PTPRQ: variants seen among roughly 807,000 people sequenced by gnomAD.
The protein encoded by PTPRQ is protein tyrosine phosphatase receptor type Q.
In PTPRQ, 199 loss-of-function variants were observed where a neutral mutation model predicts 246.0. The ratio of observed to expected loss-of-function variants is 0.81; its 90% CI spans 0.72 to 0.91. The LOEUF (loss-of-function observed/expected upper bound fraction) is 0.91. PTPRQ is among the 40% of genes least tolerant of loss of function. The pLI is 0.00. For synonymous variants in PTPRQ, 869 were observed against 853.2 expected, an observed-to-expected ratio of 1.02 and a Z score of -0.32; for missense variants, 2,624 against 2,528.4, an observed-to-expected ratio of 1.04 and a Z score of -0.81.
At chr12:80,549,423 T>C (rs2120869815) in intron 24 of PTPRQ, 42 bp from the exon 25 acceptor site, 3 of 1,497,264 alleles carry the variant, frequency 2.0e-6, no homozygotes, top group Non-Finnish European at 2.7e-6. Context: ...TCTACTTACA[T>C]ATGTATACAC....
chr12:80,618,476 T>A (rs181562936), intron 30 of PTPRQ, among the ~76,000 whole-genome samples: 1 of 151,430 alleles, frequency 6.6e-6, no homozygotes, highest in East Asian at 1.9e-4. Flanking sequence ...TATGCATTGA[T>A]GACAAATTAT....
chr12:80,450,443 C>T (rs1333495186), intron 3 of PTPRQ, among the ~76,000 whole-genome samples: 2 of 152,180 alleles, frequency 1.3e-5, no homozygotes, highest in Non-Finnish European at 2.9e-5. Flanking sequence ...AGAGGGCATC[C>T]CTGTCTTGTG....
rs531945605 is a variant in PTPRQ, at chr12:80,622,056, T to G, written c.5613-5T>G. 3 of 1,381,430 alleles carry G rather than the reference T, an allele frequency of 2.2e-6. No homozygotes were observed. The highest frequency in any genetic ancestry group is 2.9e-6 in the Non-Finnish European group (3 of 1,048,712). The allele number at this position is 1,381,430 out of a possible 1,614,324, so 85.6% of individuals were successfully genotyped here. ...AGTGTTGATTTTTCTTTTTTTATTTTATAGATTTAAATTTAGAGCTACAAA... is the reference window on the plus strand; with the variant it reads ...AGTGTTGATTTTTCTTTTTTTATTTGATAGATTTAAATTTAGAGCTACAAA... On this transcript the variant is annotated splice_region_variant and splice_polypyrimidine_tract_variant and intron_variant, in intron 32 of 44. Transcript: ENST00000644991.
At chr12:80,569,732 C>T (rs1338118490) in intron 25 of PTPRQ, among the ~76,000 whole-genome samples, 1 of 151,284 alleles carries the variant, frequency 6.6e-6, no homozygotes, top group Non-Finnish European at 1.5e-5. Context: ...TGCTATCCAT[C>T]CCCTAGCCCC....
At chr12:80,501,191 G>A (rs1018539012) in intron 14 of PTPRQ, among the ~76,000 whole-genome samples, 3 of 151,874 alleles carry the variant, frequency 2.0e-5, no homozygotes, top group African/African-American at 4.8e-5. Context: ...GGTGGATCCT[G>A]AGATTCTTAG....
At chr12:80,648,860 CT>C in intron 35 of PTPRQ, 36 bp from the exon 36 acceptor site, 1 of 1,517,370 alleles carries the variant, frequency 6.6e-7, no homozygotes, top group Non-Finnish European at 8.8e-7. Flanking sequence ...GCTGTCCACT[CT>C]GACTCACAAT....
intron 25 of PTPRQ, chr12:80,561,616 C>T (rs1592656936): frequency 6.6e-6 from 1 of 152,012 alleles, no homozygotes; most frequent in African/African-American, 2.4e-5. Flanking sequence ...GCCTGCACAG[C>T]CACTGGCTTC....
At chr12:80,493,628 C>G (rs1052682249) in intron 10 of PTPRQ, among the ~76,000 whole-genome samples, 173 bp downstream of exon 10, 2 of 151,938 alleles carry the variant, frequency 1.3e-5, no homozygotes, top group African/African-American at 4.8e-5. Context: ...GCCACACAGG[C>G]AGAAGCTGGC....
At chr12:80,557,772 T>G (rs1896685588) in intron 25 of PTPRQ, among the ~76,000 whole-genome samples, 1 of 152,162 alleles carries the variant, frequency 6.6e-6, no homozygotes, top group South Asian at 2.1e-4. Flanking sequence ...CTTGCAAAAC[T>G]GTACACAAAT....
chr12:80,613,232 G>T (rs780750931), intron 28 of PTPRQ, among the ~76,000 whole-genome samples: 2 of 150,502 alleles, frequency 1.3e-5, no homozygotes, highest in Non-Finnish European at 3.0e-5. Flanking sequence ...AAGTTAAATG[G>T]TATGTCCTGT....
chr12:80,449,346 G>T (rs1469510721), intron 3 of PTPRQ, among the ~76,000 whole-genome samples: 3 of 152,094 alleles, frequency 2.0e-5, no homozygotes, highest in Non-Finnish European at 4.4e-5. Flanking sequence ...TCTGATGGTA[G>T]TTTCTTTTGC....
At chr12:80,573,832 C>T (rs1897214773) in intron 25 of PTPRQ, among the ~76,000 whole-genome samples, 1 of 152,122 alleles carries the variant, frequency 6.6e-6, no homozygotes, top group African/African-American at 2.4e-5. Flanking sequence ...TGTTTTTGTG[C>T]TTTCCATTAC....
intron 35 of PTPRQ, among the ~76,000 whole-genome samples, chr12:80,642,648 C>T (rs1171657653): frequency 6.6e-6 from 1 of 152,008 alleles, no homozygotes; most frequent in Non-Finnish European, 1.5e-5. Context: ...GGGCCGGGCG[C>T]GGTGGCTCAC....
rs771676169 is a variant in PTPRQ, at chr12:80,613,766, T to C, written c.5093T>C (p.Ile1698Thr). Reference protein sequence around the residue: ...TAVQIHNLSIIQKTNTFVIAM... With the variant: ...TAVQIHNLSITQKTNTFVIAM... ...GTCCAGATTCACAACCTCAGTATTA[T>C]ACAGAAAACCAACACATTCGTCATT... The change falls in exon 29 of 45, where the codon ATA (isoleucine) becomes ACA (threonine). Residue 1698 changes from isoleucine to threonine, a missense_variant. By Grantham distance (89) the Ile-to-Thr change is moderately conservative. Coordinates refer to ENST00000644991, the MANE Select transcript of PTPRQ (RefSeq NM_001145026.2). 2.2e-5 allele frequency: 34 copies of C among 1,543,758 alleles called. No homozygotes were observed. In the East Asian group the frequency reaches 2.7e-4, roughly 12 times the overall value.
At chr12:80,607,663 C>A (rs1439661078) in intron 27 of PTPRQ, among the ~76,000 whole-genome samples, 1 of 150,908 alleles carries the variant, frequency 6.6e-6, no homozygotes, top group Admixed American at 6.6e-5. Context: ...AGGAAGAATA[C>A]ATAGCATTGC....
At chr12:80,649,223 T>C (rs1900175382) in intron 36 of PTPRQ, among the ~76,000 whole-genome samples, 1 of 152,142 alleles carries the variant, frequency 6.6e-6, no homozygotes, top group Non-Finnish European at 1.5e-5. Context: ...TTTTATATCT[T>C]CTAAAACCTT....
intron 19 of PTPRQ, among the ~76,000 whole-genome samples, 196 bp downstream of exon 19, chr12:80,535,233 A>T (rs1007345686): frequency 3.3e-5 from 5 of 151,306 alleles, no homozygotes; most frequent in African/African-American, 1.2e-4. Context: ...ACAGACACAC[A>T]CACACACACA....
At chr12:80,675,185 C>T (rs956139708) in intron 43 of PTPRQ, among the ~76,000 whole-genome samples, 3 of 152,132 alleles carry the variant, frequency 2.0e-5, no homozygotes, top group Admixed American at 6.6e-5. Context: ...GGTAGTTTCA[C>T]AGGTCCTCAC....
chr12:80,673,431 C>G, intron 43 of PTPRQ, 127 bp downstream of exon 43: 1 of 1,386,184 alleles, frequency 7.2e-7, no homozygotes, highest in East Asian at 2.7e-5. Context: ...CATTATAAGC[C>G]TTTTGGGGAG....
Sources: allele counts gnomAD v4.1 joint callset (sites outside exome capture counted in the v4.1 genomes callset), GRCh38; gene constraint gnomAD v4.1.1; transcripts MANE v1.5; gene names NCBI Gene and HGNC (gene_info 2026-07-23, HGNC 2026-07-21).